MMP16: variants seen among roughly 807,000 people sequenced by gnomAD.
The protein encoded by MMP16 is matrix metalloproteinase-16.
Under a neutral mutation model 67.8 loss-of-function variants are expected in MMP16, and 12 were observed. That is an observed-to-expected ratio of 0.18 (90% CI 0.11 to 0.29). The LOEUF is 0.29. Ranked by LOEUF, MMP16 falls within the 10% of genes least tolerant of loss-of-function variation. The pLI, the probability that MMP16 is intolerant of heterozygous loss-of-function variation, is 1.00. For synonymous variants in MMP16, 249 were observed against 255.9 expected, an observed-to-expected ratio of 0.97 and a Z score of 0.26; for missense variants, 475 against 765.7, an observed-to-expected ratio of 0.62 and a Z score of 4.48.
At chr8:88,270,080 T>C (rs533317818) in intron 1 of MMP16, among the ~76,000 whole-genome samples, 13 of 152,308 alleles carry the variant, frequency 8.5e-5, no homozygotes, top group African/African-American at 2.9e-4. Flanking sequence ...TTTTGGAATG[T>C]TACTGCCTTC....
At chr8:88,151,778 A>G (rs1456958148) in intron 4 of MMP16, among the ~76,000 whole-genome samples, 1 of 150,742 alleles carries the variant, frequency 6.6e-6, no homozygotes, top group Non-Finnish European at 1.5e-5. Context: ...TCCAAAATTG[A>G]CACCCTAACA....
intron 4 of MMP16, among the ~76,000 whole-genome samples, chr8:88,148,864 T>C (rs1483747922): frequency 6.6e-6 from 1 of 152,208 alleles, no homozygotes; most frequent in Non-Finnish European, 1.5e-5. Flanking sequence ...GGAGCCAAGA[T>C]GGCCGAATAG....
At chr8:88,232,157 A>G (rs368264462) in intron 1 of MMP16, among the ~76,000 whole-genome samples, 1 of 152,188 alleles carries the variant, frequency 6.6e-6, no homozygotes. Flanking sequence ...CATCCTCATC[A>G]ATTTAAACCT....
chr8:88,289,753 A>G (rs1810892813), intron 1 of MMP16, among the ~76,000 whole-genome samples: 1 of 151,578 alleles, frequency 6.6e-6, no homozygotes, highest in Non-Finnish European at 1.5e-5. Context: ...AATCTTAAAT[A>G]CCCAAAACAA....
chr8:88,304,132 A>G (rs142096218), intron 1 of MMP16, among the ~76,000 whole-genome samples: 3,327 of 152,298 alleles, frequency 0.022, 109 homozygotes, highest in African/African-American at 0.075. Flanking sequence ...AAAACACAAC[A>G]TGAGAACTTC....
At chr8:88,194,461 A>G (rs1809220189) in intron 2 of MMP16, among the ~76,000 whole-genome samples, 2 of 152,140 alleles carry the variant, frequency 1.3e-5, no homozygotes, top group South Asian at 2.1e-4. Flanking sequence ...CACACATTCA[A>G]GATTACAAAA....
chr8:88,301,572 C>T (rs1454295720), intron 1 of MMP16, among the ~76,000 whole-genome samples: 1 of 152,068 alleles, frequency 6.6e-6, no homozygotes, highest in Non-Finnish European at 1.5e-5. Context: ...TAAGAAAATA[C>T]AGATATATGC....
At chr8:88,314,977 C>T (rs1260335397) in intron 1 of MMP16, among the ~76,000 whole-genome samples, 1 of 152,128 alleles carries the variant, frequency 6.6e-6, no homozygotes, top group Non-Finnish European at 1.5e-5. Context: ...TGGCTGGAAA[C>T]TCTCTCAAGG....
intron 6 of MMP16, among the ~76,000 whole-genome samples, chr8:88,087,589 C>T (rs1016517611): frequency 7.2e-5 from 11 of 151,726 alleles, no homozygotes; most frequent in South Asian, 2.1e-4. Context: ...CCATACCACA[C>T]GAGAGGAATT....
chr8:88,254,204 C>T (rs189748778), intron 1 of MMP16, among the ~76,000 whole-genome samples: 121 of 152,168 alleles, frequency 8.0e-4, no homozygotes, highest in South Asian at 2.3e-3. Flanking sequence ...AAAATGAATG[C>T]AGGAACAAAC....
chr8:88,203,104 C>CTTTTT (rs33928858), intron 1 of MMP16, among the ~76,000 whole-genome samples: 15 of 123,152 alleles, frequency 1.2e-4, no homozygotes, highest in South Asian at 5.3e-4. Context: ...ACCAGAACTT[C>CTTTTT]TTTTTTTTTT....
At chr8:88,199,105 T>C (rs17722407) in intron 1 of MMP16, among the ~76,000 whole-genome samples, 8,021 of 152,134 alleles carry the variant, frequency 0.053, 229 homozygotes, top group South Asian at 0.072. Context: ...ATTCATTTCT[T>C]ACTTGCTAGA....
At chr8:88,185,644 C>G (rs1352125533) in intron 3 of MMP16, among the ~76,000 whole-genome samples, 1 of 152,152 alleles carries the variant, frequency 6.6e-6, no homozygotes, top group Non-Finnish European at 1.5e-5. Context: ...TCTACCCTCT[C>G]ACCAAAGTAT....
intron 6 of MMP16, among the ~76,000 whole-genome samples, chr8:88,099,722 G>T (rs921786329): frequency 5.9e-5 from 9 of 151,642 alleles, no homozygotes; most frequent in Non-Finnish European, 1.2e-4. Flanking sequence ...AAAAAACAGG[G>T]ATACCTCATT....
chr8:88,064,495 C>T (rs536835700), intron 7 of MMP16, among the ~76,000 whole-genome samples: 36 of 152,184 alleles, frequency 2.4e-4, no homozygotes, highest in Admixed American at 6.6e-4. Context: ...CTGGGCAAGT[C>T]ATGAATCTGA....
chr8:88,180,745 A>G (rs528617621), intron 3 of MMP16, among the ~76,000 whole-genome samples: 24 of 152,244 alleles, frequency 1.6e-4, no homozygotes, highest in African/African-American at 5.5e-4. Flanking sequence ...AAAAAAGAAA[A>G]ACTATGGATC....
intron 1 of MMP16, among the ~76,000 whole-genome samples, chr8:88,285,185 G>A (rs1430349719): frequency 6.6e-6 from 1 of 152,134 alleles, no homozygotes; most frequent in African/African-American, 2.4e-5. Flanking sequence ...TGTCACCCAA[G>A]CTGGACTACA....
At chr8:88,067,950 T>TTA (rs1808484306) in intron 7 of MMP16, among the ~76,000 whole-genome samples, 1 of 152,150 alleles carries the variant, frequency 6.6e-6, no homozygotes, top group Non-Finnish European at 1.5e-5. Flanking sequence ...AATGGCTGGA[T>TTA]TATACAGTAG....
chr8:88,052,398 G>A (rs1440571322), intron 8 of MMP16, among the ~76,000 whole-genome samples: 1 of 152,190 alleles, frequency 6.6e-6, no homozygotes, highest in African/African-American at 2.4e-5. Flanking sequence ...TACTCAAAAT[G>A]TATCCTGCAC....
Sources: allele counts gnomAD v4.1 joint callset (sites outside exome capture counted in the v4.1 genomes callset), GRCh38; gene constraint gnomAD v4.1.1; transcripts MANE v1.5; gene names NCBI Gene and HGNC (gene_info 2026-07-23, HGNC 2026-07-21).